The following ZFHX3 variants were observed in gnomAD, a reference collection of about 807,000 sequenced individuals.
ZFHX3 encodes the protein zinc finger homeobox 3.
In ZFHX3, 42 loss-of-function variants were observed where a neutral mutation model predicts 279.1. The ratio of observed to expected loss-of-function variants is 0.15; its 90% CI spans 0.12 to 0.19. ZFHX3 has a LOEUF of 0.19. Ranked by LOEUF, ZFHX3 falls within the 10% of genes least tolerant of loss-of-function variation. ZFHX3 has a pLI of 1.00. For synonymous variants in ZFHX3, 2,293 were observed against 1,957.8 expected, an observed-to-expected ratio of 1.17 and a Z score of -4.52; for missense variants, 4,981 against 4,754.0, an observed-to-expected ratio of 1.05 and a Z score of -1.40.
chr16:73,248,943 C>T (rs2013394751), intron 5 of ZFHX3, among the ~76,000 whole-genome samples: 1 of 152,104 alleles, frequency 6.6e-6, no homozygotes, highest in Admixed American at 6.5e-5. Flanking sequence ...TTCTCTGGCC[C>T]AGCGCCCAAG....
intron 1 of ZFHX3, among the ~76,000 whole-genome samples, chr16:73,711,337 G>C (rs181853763): frequency 5.1e-4 from 78 of 152,268 alleles, no homozygotes; most frequent in Middle Eastern, 6.8e-3. Flanking sequence ...ATAAAAAGAA[G>C]TCAGGATTTA....
chr16:73,148,685 G>A (rs1323881549), intron 5 of ZFHX3, among the ~76,000 whole-genome samples: 1 of 149,224 alleles, frequency 6.7e-6, no homozygotes. Context: ...GGTGGCTCAC[G>A]TCTATAATCT....
chr16:73,255,720 TAA>T (rs1187973898), intron 5 of ZFHX3, among the ~76,000 whole-genome samples: 2 of 152,202 alleles, frequency 1.3e-5, no homozygotes, highest in African/African-American at 4.8e-5. Context: ...CTTAAAGACG[TAA>T]GTCTTTTTAG....
chr16:72,954,974 G>C (rs969557462), intron 2 of ZFHX3, among the ~76,000 whole-genome samples: 4 of 152,106 alleles, frequency 2.6e-5, no homozygotes, highest in African/African-American at 7.2e-5. Context: ...CTTATAAATG[G>C]ACCATGGGGA....
intron 3 of ZFHX3, among the ~76,000 whole-genome samples, chr16:72,896,464 C>T (rs990162869): frequency 5.9e-5 from 9 of 152,198 alleles, no homozygotes; most frequent in East Asian, 5.8e-4. Context: ...GGGGCTGGCG[C>T]GTAACACCAA....
intron 2 of ZFHX3, among the ~76,000 whole-genome samples, chr16:73,532,004 C>A (rs948969812): frequency 6.6e-6 from 1 of 151,702 alleles, no homozygotes; most frequent in Non-Finnish European, 1.5e-5. Context: ...GGGAAAATGG[C>A]CTGAGCCCAT....
At chr16:73,317,286 GGGGGTGGC>G (rs2015472595) in intron 4 of ZFHX3, among the ~76,000 whole-genome samples, 2 of 150,540 alleles carry the variant, frequency 1.3e-5, no homozygotes, top group Admixed American at 1.3e-4. Context: ...GGGGTGGGGT[GGGGGTGGC>G]GGTGGTGGTG....
intron 2 of ZFHX3, among the ~76,000 whole-genome samples, chr16:73,661,599 G>C (rs1179713231): frequency 6.6e-6 from 1 of 151,946 alleles, no homozygotes; most frequent in East Asian, 1.9e-4. Context: ...GTGCATGCTT[G>C]TAATCCCAGC....
chr16:72,861,036 T>A (rs2037877838), intron 4 of ZFHX3, among the ~76,000 whole-genome samples: 1 of 152,106 alleles, frequency 6.6e-6, no homozygotes, highest in Non-Finnish European at 1.5e-5. Flanking sequence ...CAGCAACGGG[T>A]CAGCAGATGC....
intron 1 of ZFHX3, among the ~76,000 whole-genome samples, chr16:73,689,155 A>T (rs2053121540): frequency 6.6e-6 from 1 of 152,230 alleles, no homozygotes; most frequent in Admixed American, 6.5e-5. Context: ...GATTGAACTT[A>T]AATTCTCTTG....
At chr16:73,141,439 C>G (rs1332839490) in intron 6 of ZFHX3, among the ~76,000 whole-genome samples, 1 of 151,684 alleles carries the variant, frequency 6.6e-6, no homozygotes, top group Non-Finnish European at 1.5e-5. Context: ...GCTCTGTCAC[C>G]CAGGCTGGAG....
intron 3 of ZFHX3, among the ~76,000 whole-genome samples, chr16:73,336,804 G>A (rs535774760): frequency 1.8e-4 from 28 of 152,142 alleles, no homozygotes; most frequent in South Asian, 8.3e-4. Flanking sequence ...CTTTGCAACC[G>A]CATCCCCTGT....
At chr16:73,018,683 T>C (rs1364459061) in intron 1 of ZFHX3, among the ~76,000 whole-genome samples, 1 of 152,146 alleles carries the variant, frequency 6.6e-6, no homozygotes, top group Non-Finnish European at 1.5e-5. Context: ...CACCCCAGGC[T>C]TGGCTGTGTG....
intron 3 of ZFHX3, among the ~76,000 whole-genome samples, chr16:73,371,696 A>T (rs1309832447): frequency 6.6e-6 from 1 of 152,168 alleles, no homozygotes; most frequent in Non-Finnish European, 1.5e-5. Flanking sequence ...GCTTTCCTTT[A>T]TCATGCTTCC....
At chr16:73,469,562 T>C (rs866588929) in intron 2 of ZFHX3, among the ~76,000 whole-genome samples, 1 of 152,030 alleles carries the variant, frequency 6.6e-6, no homozygotes, top group Non-Finnish European at 1.5e-5. Context: ...CTGATGCCCA[T>C]TGAAATCACC....
At chr16:73,841,117 G>A (rs528803457) in intron 1 of ZFHX3, among the ~76,000 whole-genome samples, 6 of 152,260 alleles carry the variant, frequency 3.9e-5, no homozygotes, top group East Asian at 3.9e-4. Context: ...TCCTTCTCAC[G>A]AGGCACTCAG....
intron 8 of ZFHX3, among the ~76,000 whole-genome samples, chr16:73,090,987 G>A (rs1447421714): frequency 6.7e-6 from 1 of 150,080 alleles, no homozygotes; most frequent in Non-Finnish European, 1.5e-5. Context: ...TGTGGCTAGC[G>A]GATCACAAGG....
intron 1 of ZFHX3, among the ~76,000 whole-genome samples, chr16:73,784,843 T>C (rs1959596693): frequency 7.8e-6 from 1 of 127,398 alleles, no homozygotes; most frequent in Admixed American, 7.5e-5. Context: ...ACACATATAG[T>C]CTGAAAAAGC....
intron 4 of ZFHX3, among the ~76,000 whole-genome samples, chr16:73,278,822 G>T (rs1020294171): frequency 2.6e-5 from 4 of 152,120 alleles, no homozygotes; most frequent in Non-Finnish European, 4.4e-5. Context: ...GCGCTGATTG[G>T]TGCATTTTAC....
Sources: gnomAD v4.1 joint callset for allele counts (sites outside exome capture counted in the v4.1 genomes callset) on GRCh38, gnomAD v4.1.1 for gene constraint, MANE v1.5 for transcripts, NCBI Gene and HGNC (gene_info 2026-07-23, HGNC 2026-07-21) for gene names.